TRPM7: variants seen among roughly 807,000 people sequenced by gnomAD.
The protein encoded by TRPM7 is LTRPC ion channel family member 7.
A neutral mutation model predicts 229.7 loss-of-function variants in TRPM7; 134 were observed. The ratio of observed to expected loss-of-function variants is 0.58; its 90% CI spans 0.51 to 0.67. The LOEUF (loss-of-function observed/expected upper bound fraction) is 0.67. Among genes scored for constraint, TRPM7 ranks in the 30% least tolerant of loss-of-function variants. TRPM7 has a pLI of 0.00. For synonymous variants in TRPM7, 699 were observed against 715.2 expected, an observed-to-expected ratio of 0.98 and a Z score of 0.36; for missense variants, 1,901 against 2,210.0, an observed-to-expected ratio of 0.86 and a Z score of 2.80.
chr15:50,586,553 AG>A, intron 27 of TRPM7, 65 bp from the exon 28 acceptor site: 1 of 1,041,226 alleles, frequency 9.6e-7, no homozygotes, highest in Non-Finnish European at 1.5e-6. Flanking sequence ...CATTACTCTA[AG>A]TAGTATTAGA....
Position 50,596,252 on chromosome 15 carries a change from T to C in TRPM7, c.3290+3A>G. 3.3e-6 allele frequency: 5 copies of C among 1,494,716 alleles called. No homozygotes were observed. Among genetic ancestry groups the C allele is most frequent in the Non-Finnish European group, 4.5e-6 (5 of 1,114,096 alleles). The allele number at this position is 1,494,716 out of a possible 1,614,324, so 92.6% of individuals were successfully genotyped here. ...ATAACAAACAATTGAACAAAATTCT[T>C]ACTTGAAAAATGCAATAAGAAGATT... On this transcript the variant is annotated splice_donor_region_variant and intron_variant, in intron 23 of 38. Coordinates refer to ENST00000646667, the MANE Select transcript of TRPM7 (RefSeq NM_017672.6).
intron 31 of TRPM7, 115 bp from the exon 32 acceptor site, chr15:50,576,034 C>CA: frequency 2.8e-6 from 3 of 1,060,856 alleles, no homozygotes; most frequent in Non-Finnish European, 4.1e-6. Flanking sequence ...CTGTTCCTCA[C>CA]AAAAACAGAA....
At chr15:50,630,307 T>C (rs933115112) in intron 10 of TRPM7, among the ~76,000 whole-genome samples, 2 of 152,212 alleles carry the variant, frequency 1.3e-5, no homozygotes, top group Admixed American at 6.5e-5. Context: ...GCTTGATGTA[T>C]TGGCAATTTA....
At chr15:50,588,727 A>G (rs530769380) in intron 27 of TRPM7, among the ~76,000 whole-genome samples, 1 of 152,342 alleles carries the variant, frequency 6.6e-6, no homozygotes, top group South Asian at 2.1e-4. Context: ...TTGTAGCCAC[A>G]TTACCACTCC....
chr15:50,588,550 A>T (rs2140340979), intron 27 of TRPM7, among the ~76,000 whole-genome samples: 1 of 152,340 alleles, frequency 6.6e-6, no homozygotes, highest in Middle Eastern at 3.4e-3. Context: ...CCTGGATCAC[A>T]TAAAAAGTAA....
intron 38 of TRPM7, 36 bp from the exon 39 acceptor site, chr15:50,561,844 A>G (rs2141416778): frequency 7.2e-7 from 1 of 1,396,686 alleles, no homozygotes; most frequent in East Asian, 2.5e-5. Flanking sequence ...AAAAAAAAAA[A>G]GAAAGAGAAA....
rs953121383 is a variant in TRPM7 at position 50,637,370 on chromosome 15, T to C, written c.832+52A>G. 7.8e-6 allele frequency: 12 copies of C among 1,534,626 alleles called. No individual in the cohort carries two copies. In the African/African-American group the frequency reaches 1.5e-4, roughly 19 times the overall value. The stretch of plus-strand genomic sequence containing the variant: ...ATTCTACTTTCTTTGAATTTGGCTA[T>C]TAGTACAGCCCAGGACAATTTCAAC... On this transcript the variant is annotated intron_variant, in intron 7 of 38. Transcript: ENST00000646667.
chr15:50,635,318 T>TAA lies in TRPM7; in HGVS notation c.833-764_833-763dup, dbSNP rs71124393. Among the ~76,000 whole-genome samples the TAA allele has an allele frequency of 2.7e-3, 115 of 42,944 alleles. 14 individuals are homozygous for TAA. Among genetic ancestry groups the TAA allele is most frequent in the African/African-American group, 0.01 (106 of 10,536 alleles). 28.2% of individuals were successfully genotyped at this position (42,944 alleles called of 152,430 possible). A position where few individuals can be genotyped will look rare whatever the true frequency, so the allele number is the denominator to read the frequency against. ...GGTGACAGAGCGAGACTCCCTCACA[T>TAA]AAAAAAAAAAAAAAAAAAAAAAAAA... On this transcript the variant is annotated intron_variant, in intron 7 of 38. Transcript: ENST00000646667.
chr15:50,680,786 A>G (rs906251817), intron 1 of TRPM7, among the ~76,000 whole-genome samples: 2 of 152,318 alleles, frequency 1.3e-5, no homozygotes, highest in African/African-American at 2.4e-5. Flanking sequence ...ACAAATATAC[A>G]TGTCCCTGAA....
chr15:50,627,093 T>C (rs2060583554), intron 11 of TRPM7, among the ~76,000 whole-genome samples: 2 of 151,640 alleles, frequency 1.3e-5, no homozygotes, highest in Non-Finnish European at 2.9e-5. Flanking sequence ...ACAGTTAATC[T>C]GCCCAGCCTC....
At chr15:50,613,279 G>GCA in intron 15 of TRPM7, among the ~76,000 whole-genome samples, 1 of 152,208 alleles carries the variant, frequency 6.6e-6, no homozygotes, top group East Asian at 1.9e-4. Context: ...TGAGGAGGAT[G>GCA]GATCACGAGG....
chr15:50,598,020 T>C (rs1442754373), intron 22 of TRPM7, among the ~76,000 whole-genome samples: 1 of 151,862 alleles, frequency 6.6e-6, no homozygotes, highest in Non-Finnish European at 1.5e-5. Flanking sequence ...ACAACATTAG[T>C]TTAACTACCG....
chr15:50,659,996 A>G (rs2061686019), intron 2 of TRPM7, among the ~76,000 whole-genome samples: 1 of 152,116 alleles, frequency 6.6e-6, no homozygotes, highest in Admixed American at 6.6e-5. Context: ...AAAGCAAAAC[A>G]TCAATTTCTC....
intron 15 of TRPM7, among the ~76,000 whole-genome samples, chr15:50,613,501 C>CA (rs67505794): frequency 0.28 from 17,476 of 61,992 alleles, 2,682 homozygotes; most frequent in East Asian, 0.55. Context: ...ACTCCTGTCT[C>CA]AAAAAAAAAA....
chr15:50,639,366 A>C, intron 6 of TRPM7, 58 bp downstream of exon 6: 1 of 1,372,428 alleles, frequency 7.3e-7, no homozygotes, highest in Non-Finnish European at 9.8e-7. Context: ...CACTATTCTT[A>C]CTATAATTTT....
At chr15:50,570,219 T>C in intron 36 of TRPM7, 64 bp from the exon 37 acceptor site, 1 of 1,157,204 alleles carries the variant, frequency 8.6e-7, no homozygotes, top group East Asian at 2.6e-5. Flanking sequence ...AATACTGACA[T>C]CTGCATAATA....
At position 50,617,334 on chromosome 15, in the gene TRPM7, TCA is replaced by T. The variant is rs1491554798; in HGVS notation, c.1494+2409_1494+2410del. Among the ~76,000 whole-genome samples the T allele has an allele frequency of 2.0e-4, 24 of 119,932 alleles. 1 individual carries two copies. Among genetic ancestry groups the T allele is most frequent in the Non-Finnish European group, 2.4e-4 (15 of 61,422 alleles). The allele number at this position is 119,932 out of a possible 152,430, so 78.7% of individuals were successfully genotyped here. A position where few individuals can be genotyped will look rare whatever the true frequency, so the allele number is the denominator to read the frequency against. ...CTGGGCAACAGACCAAGACTCCATCTCAAAAAAAAAAAAAACAAATCAGTCAG... is the reference window on the plus strand; with the variant it reads ...CTGGGCAACAGACCAAGACTCCATCTAAAAAAAAAAAAACAAATCAGTCAG... On this transcript the variant is annotated intron_variant, in intron 13 of 38. Coordinates refer to ENST00000646667, the MANE Select transcript of TRPM7 (RefSeq NM_017672.6).
chr15:50,665,197 G>A (rs951106321), intron 1 of TRPM7, among the ~76,000 whole-genome samples: 2 of 151,866 alleles, frequency 1.3e-5, no homozygotes, highest in African/African-American at 2.4e-5. Flanking sequence ...CCAGGAGTTC[G>A]AGACCAGCCT....
At chr15:50,641,242 C>T (rs2061092709) in intron 5 of TRPM7, among the ~76,000 whole-genome samples, 1 of 103,186 alleles carries the variant, frequency 9.7e-6, no homozygotes, top group African/African-American at 2.7e-5. Context: ...AGGCCTCATG[C>T]GATGAACTGC....
Sources: gnomAD v4.1 joint callset for allele counts (sites outside exome capture counted in the v4.1 genomes callset) on GRCh38, gnomAD v4.1.1 for gene constraint, MANE v1.5 for transcripts, NCBI Gene and HGNC (gene_info 2026-07-23, HGNC 2026-07-21) for gene names.